ROBO2: variants seen among roughly 807,000 people sequenced by gnomAD.
The protein encoded by ROBO2 is roundabout homolog 2.
In ROBO2, 53 loss-of-function variants were observed where a neutral mutation model predicts 160.8. That is an observed-to-expected ratio of 0.33 (90% CI 0.26 to 0.41). The LOEUF is 0.41. Among genes scored for constraint, ROBO2 ranks in the 10% least tolerant of loss-of-function variants. The probability of loss-of-function intolerance (pLI) is 1.00; values close to 1 mark genes in which losing one functional copy is unlikely to be tolerated. For synonymous variants in ROBO2, 664 were observed against 611.7 expected (o/e 1.09, Z -1.26); for missense variants, 1,577 against 1,722.4 (o/e 0.92, Z 1.49).
At chr3:76,751,423 TAAC>T (rs550781282) in intron 2 of ROBO2, among the ~76,000 whole-genome samples, 83 of 151,862 alleles carry the variant, frequency 5.5e-4, no homozygotes, top group African/African-American at 1.9e-3. Flanking sequence ...ACACCAAAAG[TAAC>T]AACAACAAAA....
At chr3:77,639,319 T>C (rs1207354989) in intron 24 of ROBO2, among the ~76,000 whole-genome samples, 1 of 152,190 alleles carries the variant, frequency 6.6e-6, no homozygotes, top group East Asian at 1.9e-4. Flanking sequence ...TTTTTATATT[T>C]TAGTTGGGGA....
chr3:76,121,329 A>G (rs1301278909), intron 2 of ROBO2, among the ~76,000 whole-genome samples: 1 of 152,136 alleles, frequency 6.6e-6, no homozygotes. Flanking sequence ...ATTATTGAGT[A>G]GTAAGGAGGG....
At chr3:76,064,029 C>T (rs1204416306) in intron 2 of ROBO2, among the ~76,000 whole-genome samples, 1 of 152,142 alleles carries the variant, frequency 6.6e-6, no homozygotes, top group African/African-American at 2.4e-5. Flanking sequence ...TGACAACCAG[C>T]AGAGAAACAG....
chr3:76,327,273 T>A (rs2073106798), intron 2 of ROBO2, among the ~76,000 whole-genome samples: 1 of 152,124 alleles, frequency 6.6e-6, no homozygotes, highest in Admixed American at 6.5e-5. Context: ...AACCTGATTT[T>A]AATTTAAATT....
intron 2 of ROBO2, among the ~76,000 whole-genome samples, chr3:77,371,815 C>G (rs752264485): frequency 6.6e-6 from 1 of 152,146 alleles, no homozygotes; most frequent in Non-Finnish European, 1.5e-5. Context: ...CATGTGTTAC[C>G]GTTAAACACT....
chr3:77,134,106 G>C (rs2076080391), intron 2 of ROBO2, among the ~76,000 whole-genome samples: 1 of 151,576 alleles, frequency 6.6e-6, no homozygotes, highest in Non-Finnish European at 1.5e-5. Flanking sequence ...AACCTGGGAG[G>C]CAGAGGTTGC....
Position 77,097,426 on chromosome 3 carries a change from A to G in ROBO2, c.62-588A>G, listed in dbSNP as rs150750979. On this transcript the variant is annotated intron_variant, in intron 1 of 25. Coordinates refer to ENST00000461745, the Ensembl canonical transcript of ROBO2. ...GTATTGCATTTTAACATACGGATTT[A>G]TACTTGAGCTCTTCAGTCAAACACA... Among the ~76,000 whole-genome samples, 8 of 152,200 alleles carry G rather than the reference A, an allele frequency of 5.3e-5. No individual in the cohort carries two copies. In the East Asian group the frequency reaches 1.5e-3, roughly 29 times the overall value.
rs774573138 is a variant in ROBO2, at chr3:77,359,898, G to C, written c.389-117516G>C. 8.5e-5 allele frequency among the ~76,000 whole-genome samples: 13 copies of C among 152,234 alleles called. 1 individual carries two copies. The South Asian group carries it at 2.1e-3, about 24-fold the overall frequency. ...ACTGGGTTTGACTCTCTTGCCCAGA[G>C]TGATGTTGAACTCCTGGGCTCAAGT... On this transcript the variant is annotated intron_variant, in intron 2 of 25. Transcript: ENST00000461745.
intron 2 of ROBO2, among the ~76,000 whole-genome samples, chr3:77,111,335 C>T (rs1434007208): frequency 6.6e-6 from 1 of 152,012 alleles, no homozygotes; most frequent in African/African-American, 2.4e-5. Flanking sequence ...TAGTATCTCT[C>T]TTAGATCCTG....
intron 2 of ROBO2, among the ~76,000 whole-genome samples, chr3:76,152,289 G>A (rs2106855777): frequency 6.6e-6 from 1 of 152,206 alleles, no homozygotes; most frequent in African/African-American, 2.4e-5. Flanking sequence ...AGTTAATTTA[G>A]GGGGAAAATG....
At chr3:76,734,313 C>T (rs1340711799) in intron 2 of ROBO2, among the ~76,000 whole-genome samples, 3 of 152,116 alleles carry the variant, frequency 2.0e-5, no homozygotes, top group Admixed American at 2.0e-4. Flanking sequence ...AGTTGAAACA[C>T]ATTTGAGAGT....
At chr3:77,173,528 T>C (rs190370147) in intron 2 of ROBO2, among the ~76,000 whole-genome samples, 70 of 152,174 alleles carry the variant, frequency 4.6e-4, no homozygotes, top group Admixed American at 2.7e-3. Flanking sequence ...TGTGTTGAGC[T>C]TTGCTTGGCC....
At chr3:76,161,698 G>A (rs1222087261) in intron 2 of ROBO2, among the ~76,000 whole-genome samples, 1 of 152,052 alleles carries the variant, frequency 6.6e-6, no homozygotes, top group Admixed American at 6.6e-5. Context: ...TATCTAAATT[G>A]CAGCATACAA....
chr3:77,015,039 T>TA (rs11391793), intron 2 of ROBO2, among the ~76,000 whole-genome samples: 2,843 of 145,276 alleles, frequency 0.02, 54 homozygotes, highest in African/African-American at 0.046. Flanking sequence ...GTTCAACTTG[T>TA]AAAAAAAAAA....
intron 2 of ROBO2, among the ~76,000 whole-genome samples, chr3:76,262,594 G>A (rs1706839697): frequency 1.3e-5 from 2 of 152,124 alleles, no homozygotes; most frequent in South Asian, 2.1e-4. Context: ...TATACTTGGG[G>A]TTGTCCCTAA....
intron 2 of ROBO2, among the ~76,000 whole-genome samples, chr3:77,392,662 C>T (rs997935250): frequency 3.3e-5 from 5 of 152,092 alleles, no homozygotes; most frequent in Admixed American, 1.3e-4. Flanking sequence ...CCATTGATTT[C>T]CTCCAGTTGT....
chr3:75,969,950 C>T (rs1195770911), intron 2 of ROBO2, among the ~76,000 whole-genome samples: 1 of 151,498 alleles, frequency 6.6e-6, no homozygotes, highest in African/African-American at 2.4e-5. Context: ...AGCCAAAAAA[C>T]CATTGTCAAG....
intron 1 of ROBO2, among the ~76,000 whole-genome samples, chr3:75,936,088 T>G (rs1576205742): frequency 6.6e-6 from 1 of 152,336 alleles, no homozygotes; most frequent in East Asian, 1.9e-4. Flanking sequence ...AAACTGTCAC[T>G]GTCATCAAAA....
intron 2 of ROBO2, among the ~76,000 whole-genome samples, chr3:77,472,290 G>A (rs1304216205): frequency 1.3e-5 from 2 of 152,148 alleles, no homozygotes; most frequent in Non-Finnish European, 2.9e-5. Flanking sequence ...GACCATTGGA[G>A]AACAGAACAA....
Sources: allele counts gnomAD v4.1 joint callset (sites outside exome capture counted in the v4.1 genomes callset), GRCh38; gene constraint gnomAD v4.1.1; transcripts MANE v1.5; gene names NCBI Gene and HGNC (gene_info 2026-07-23, HGNC 2026-07-21).